CERS6: variants seen among roughly 807,000 people sequenced by gnomAD.
CERS6 encodes the protein LAG1 homolog, ceramide synthase 6.
A neutral mutation model predicts 56.8 loss-of-function variants in CERS6; 26 were observed. The observed-to-expected ratio is 0.46, with a 90% CI of 0.34 to 0.63. CERS6 has a LOEUF of 0.63. CERS6 is among the 30% of genes least tolerant of loss of function. The probability of loss-of-function intolerance (pLI) is 0.01; values close to 1 mark genes in which losing one functional copy is unlikely to be tolerated. For missense variants in CERS6, 415 were observed against 467.5 expected (o/e 0.89, Z 1.04); for synonymous variants, 164 against 173.3 (o/e 0.95, Z 0.42).
At chr2:168,739,529 A>G (rs1683829122) in intron 8 of CERS6, among the ~76,000 whole-genome samples, 1 of 152,210 alleles carries the variant, frequency 6.6e-6, no homozygotes, top group African/African-American at 2.4e-5. Context: ...AGAACTGAGA[A>G]GAGCCAAGGG....
intron 8 of CERS6, among the ~76,000 whole-genome samples, chr2:168,730,468 A>G (rs1456352883): frequency 6.6e-6 from 1 of 152,202 alleles, no homozygotes; most frequent in African/African-American, 2.4e-5. Flanking sequence ...TGGGAAGGGA[A>G]GGACAAATGA....
At chr2:168,464,708 A>G (rs1157784282) in intron 1 of CERS6, among the ~76,000 whole-genome samples, 3 of 152,002 alleles carry the variant, frequency 2.0e-5, no homozygotes, top group Non-Finnish European at 4.4e-5. Context: ...TAAAAAAAAA[A>G]AAAACTACTC....
chr2:168,525,224 G>A (rs997100592), intron 1 of CERS6, among the ~76,000 whole-genome samples: 1 of 152,202 alleles, frequency 6.6e-6, no homozygotes, highest in Non-Finnish European at 1.5e-5. Flanking sequence ...GGGATTACCT[G>A]GAGGGCTTGT....
At chr2:168,486,473 C>T (rs1171265134) in intron 1 of CERS6, among the ~76,000 whole-genome samples, 1 of 144,660 alleles carries the variant, frequency 6.9e-6, no homozygotes, top group Non-Finnish European at 1.5e-5. Flanking sequence ...ATGTTTGGAT[C>T]TGTGATCCAT....
At chr2:168,712,105 G>A (rs1687106342) in intron 6 of CERS6, among the ~76,000 whole-genome samples, 2 of 152,192 alleles carry the variant, frequency 1.3e-5, no homozygotes, top group Admixed American at 1.3e-4. Context: ...ACCAGGGCAG[G>A]AGCCATGAGA....
intron 1 of CERS6, among the ~76,000 whole-genome samples, chr2:168,546,356 C>T (rs545428286): frequency 2.6e-5 from 4 of 152,268 alleles, no homozygotes; most frequent in African/African-American, 9.6e-5. Context: ...TCTTTCTTCC[C>T]AACTTTGTCC....
intron 1 of CERS6, among the ~76,000 whole-genome samples, chr2:168,504,680 G>T (rs1694644346): frequency 1.3e-5 from 2 of 152,206 alleles, no homozygotes; most frequent in South Asian, 4.2e-4. Context: ...TAACAATATT[G>T]TTAATGGCTC....
At chr2:168,596,367 G>A (rs1683797519) in intron 3 of CERS6, among the ~76,000 whole-genome samples, 1 of 152,098 alleles carries the variant, frequency 6.6e-6, no homozygotes, top group Admixed American at 6.6e-5. Context: ...TGTCTTCTTG[G>A]TGTAGTTTTT....
At chr2:168,732,387 T>C (rs1683567379) in intron 8 of CERS6, among the ~76,000 whole-genome samples, 1 of 152,220 alleles carries the variant, frequency 6.6e-6, no homozygotes, top group South Asian at 2.1e-4. Context: ...ATCTGTGTGA[T>C]TTATTCTGCA....
chr2:168,718,727 C>T (rs1181847712), intron 8 of CERS6, among the ~76,000 whole-genome samples: 1 of 152,208 alleles, frequency 6.6e-6, no homozygotes, highest in Non-Finnish European at 1.5e-5. Flanking sequence ...GTCCCCCAAA[C>T]ACCAATCTTC....
intron 3 of CERS6, among the ~76,000 whole-genome samples, chr2:168,616,550 A>C (rs1400984695): frequency 6.6e-6 from 1 of 152,254 alleles, no homozygotes; most frequent in African/African-American, 2.4e-5. Context: ...AAGACTTTCC[A>C]TGCAAATGGA....
intron 4 of CERS6, among the ~76,000 whole-genome samples, chr2:168,677,545 TG>T (rs1224632136): frequency 6.6e-6 from 1 of 152,166 alleles, no homozygotes; most frequent in East Asian, 1.9e-4. Flanking sequence ...TTGCCCAGGC[TG>T]GAGTGCAATG....
At chr2:168,636,869 A>C (rs1684871600) in intron 4 of CERS6, among the ~76,000 whole-genome samples, 1 of 152,202 alleles carries the variant, frequency 6.6e-6, no homozygotes, top group Non-Finnish European at 1.5e-5. Flanking sequence ...AACCAAGGAT[A>C]ATGTGACTGT....
intron 4 of CERS6, chr2:168,644,031 A>G: frequency 2.1e-6 from 2 of 932,342 alleles, no homozygotes; most frequent in Non-Finnish European, 2.6e-6. Context: ...CATTTTGTTA[A>G]GAACTGATAT....
At chr2:168,571,287 C>T (rs573723570) in intron 3 of CERS6, among the ~76,000 whole-genome samples, 19 of 152,018 alleles carry the variant, frequency 1.2e-4, no homozygotes, top group African/African-American at 2.7e-4. Flanking sequence ...CCTGGCTATT[C>T]GCCTTGCGGT....
At chr2:168,543,246 A>AGGT (rs1445077134) in intron 1 of CERS6, among the ~76,000 whole-genome samples, 5 of 152,198 alleles carry the variant, frequency 3.3e-5, no homozygotes, top group Non-Finnish European at 4.4e-5. Flanking sequence ...GATCTTTTGA[A>AGGT]GGTGGTGTTG....
intron 4 of CERS6, among the ~76,000 whole-genome samples, chr2:168,682,983 A>G (rs1389055673): frequency 6.6e-6 from 1 of 152,242 alleles, no homozygotes; most frequent in Non-Finnish European, 1.5e-5. Flanking sequence ...AAGAATTATA[A>G]TGGATATCTA....
At chr2:168,547,979 A>G (rs1454865241) in intron 2 of CERS6, among the ~76,000 whole-genome samples, 3 of 152,150 alleles carry the variant, frequency 2.0e-5, no homozygotes, top group Non-Finnish European at 2.9e-5. Context: ...TTTTAATCAC[A>G]TGTGAAGCAA....
intron 9 of CERS6, among the ~76,000 whole-genome samples, chr2:168,768,466 C>T (rs1684778914): frequency 6.6e-6 from 1 of 151,242 alleles, no homozygotes; most frequent in East Asian, 2.0e-4. Flanking sequence ...CTCCTGACCT[C>T]AGGTGATCCA....
Sources: allele counts gnomAD v4.1 joint callset (sites outside exome capture counted in the v4.1 genomes callset), GRCh38; gene constraint gnomAD v4.1.1; transcripts MANE v1.5; gene names NCBI Gene and HGNC (gene_info 2026-07-23, HGNC 2026-07-21).